FOXP2: variants seen among roughly 807,000 people sequenced by gnomAD.
FOXP2 encodes the protein forkhead box protein P2.
A neutral mutation model predicts 115.8 loss-of-function variants in FOXP2; 12 were observed. The ratio of observed to expected loss-of-function variants is 0.10; its 90% CI spans 0.07 to 0.17. FOXP2 has a LOEUF of 0.17. FOXP2 is among the 10% of genes least tolerant of loss of function. The pLI is 1.00. For missense variants in FOXP2, 629 were observed against 843.5 expected, an observed-to-expected ratio of 0.75 and a Z score of 3.15; for synonymous variants, 328 against 297.7, an observed-to-expected ratio of 1.10 and a Z score of -1.05.
Position 114,266,594 on chromosome 7 carries a change from G to A in FOXP2, c.-101-21425G>A, listed in dbSNP as rs575823786. Among the ~76,000 whole-genome samples, 428 of 152,180 alleles carry A rather than the reference G, an allele frequency of 2.8e-3. 2 individuals are homozygous for A. Among genetic ancestry groups the A allele is most frequent in the African/African-American group, 9.9e-3 (411 of 41,530 alleles). Reference sequence around the variant, plus strand: ...CACTCAGTGTCTAAGAACAGCATCGGGATATGAGGAATCCATCCTTATGCC... The same window carrying A: ...CACTCAGTGTCTAAGAACAGCATCGAGATATGAGGAATCCATCCTTATGCC... On this transcript the variant is annotated intron_variant, in intron 1 of 17. Coordinates refer to the FOXP2 transcript ENST00000634411.
At chr7:114,570,810 T>C (rs373272095) in intron 3 of FOXP2, 3 of 1,611,400 alleles carry the variant, frequency 1.9e-6, no homozygotes, top group African/African-American at 2.7e-5. Context: ...AACCTAGGAA[T>C]TGCTTCCAGA....
chr7:114,464,998 T>A (rs1795741691), intron 2 of FOXP2, among the ~76,000 whole-genome samples: 1 of 152,224 alleles, frequency 6.6e-6, no homozygotes, highest in African/African-American at 2.4e-5. Flanking sequence ...ATTTAAAGAA[T>A]CACTCCCTTT....
chr7:114,126,808 C>T (rs1236402507), intron 1 of FOXP2, among the ~76,000 whole-genome samples: 2 of 152,154 alleles, frequency 1.3e-5, no homozygotes, highest in Non-Finnish European at 2.9e-5. Flanking sequence ...AAATAACCCT[C>T]GGGTTTAGAC....
At chr7:114,195,557 C>G (rs1793881222) in intron 1 of FOXP2, among the ~76,000 whole-genome samples, 2 of 152,084 alleles carry the variant, frequency 1.3e-5, no homozygotes. Flanking sequence ...CATTCATCCA[C>G]TAATTTTATT....
intron 16 of FOXP2, among the ~76,000 whole-genome samples, chr7:114,679,178 TG>T (rs1807941838): frequency 6.6e-6 from 1 of 151,962 alleles, no homozygotes; most frequent in Non-Finnish European, 1.5e-5. Context: ...TTAGCCAGGC[TG>T]GTCTCGAATT....
intron 16 of FOXP2, chr7:114,669,840 T>C (rs1420663293): frequency 6.6e-6 from 1 of 152,112 alleles, no homozygotes; most frequent in Non-Finnish European, 1.5e-5. Context: ...CAGTTGTTTC[T>C]TTTTGTATTA....
chr7:114,182,550 T>G (rs1360690144), intron 1 of FOXP2, among the ~76,000 whole-genome samples: 1 of 152,014 alleles, frequency 6.6e-6, no homozygotes, highest in Non-Finnish European at 1.5e-5. Context: ...TGGAAGGACA[T>G]ATTCTTATTA....
rs1256659385 is a variant in FOXP2 at position 114,658,189 on chromosome 7, A to G, written c.1390A>G (p.Ile464Val). The G allele has an allele frequency of 6.2e-7, 1 of 1,613,666 alleles. No homozygotes were observed. The highest frequency in any genetic ancestry group is 1.3e-5 in the African/African-American group (1 of 74,850). ...CCCGATTACCCAGGGACCCTCAGTA[A>G]TCACCCCAGCCAGTGTGCCCAATGT... ...VTPITQGPSV[I>V]TPASVPNVGA... is the part of the protein sequence containing the mutation. The change falls in exon 11 of 17, where the codon ATC (isoleucine) becomes GTC (valine). Residue 464 changes from isoleucine to valine, a missense_variant. Coordinates refer to ENST00000350908, the MANE Select transcript of FOXP2 (RefSeq NM_014491.4).
intron 3 of FOXP2, among the ~76,000 whole-genome samples, chr7:114,608,729 A>G (rs1266667787): frequency 6.6e-6 from 1 of 152,212 alleles, no homozygotes; most frequent in African/African-American, 2.4e-5. Context: ...AAAAATGTGG[A>G]AGAATTTGTG....
At chr7:114,669,464 T>A (rs1034764869) in intron 16 of FOXP2, 1 of 152,064 alleles carries the variant, frequency 6.6e-6, no homozygotes, top group Non-Finnish European at 1.5e-5. Context: ...AACGATACTT[T>A]AAGTGTCCGA....
intron 1 of FOXP2, among the ~76,000 whole-genome samples, chr7:114,210,433 AC>A (rs1400319947): frequency 6.6e-6 from 1 of 151,994 alleles, no homozygotes; most frequent in Admixed American, 6.6e-5. Context: ...TTTGCTCCAG[AC>A]CCCAGTTGCC....
At chr7:114,307,112 C>A (rs1333011653) in intron 2 of FOXP2, among the ~76,000 whole-genome samples, 1 of 152,084 alleles carries the variant, frequency 6.6e-6, no homozygotes. Context: ...ATTCTGCCTA[C>A]CAAATATGCT....
At chr7:114,504,956 A>G (rs967600547) in intron 2 of FOXP2, among the ~76,000 whole-genome samples, 1 of 151,582 alleles carries the variant, frequency 6.6e-6, no homozygotes, top group Non-Finnish European at 1.5e-5. Context: ...CTCCAGACAC[A>G]ATTAGTTTGA....
intron 1 of FOXP2, among the ~76,000 whole-genome samples, chr7:114,191,982 C>A (rs1288329402): frequency 6.6e-6 from 1 of 152,094 alleles, no homozygotes; most frequent in Non-Finnish European, 1.5e-5. Context: ...TTTGCCTTTT[C>A]TTGAGTGTCA....
intron 2 of FOXP2, among the ~76,000 whole-genome samples, chr7:114,511,596 A>T (rs982201530): frequency 6.6e-6 from 1 of 152,152 alleles, no homozygotes; most frequent in Non-Finnish European, 1.5e-5. Context: ...GGAGTAGAGG[A>T]TAAGTTAAAT....
intron 3 of FOXP2, among the ~76,000 whole-genome samples, chr7:114,567,622 T>C (rs1801090281): frequency 1.3e-5 from 2 of 152,114 alleles, no homozygotes; most frequent in Admixed American, 1.3e-4. Context: ...ATGCAAACAC[T>C]TAAAATATCC....
intron 1 of FOXP2, among the ~76,000 whole-genome samples, chr7:114,232,663 A>G (rs1001348324): frequency 1.2e-4 from 18 of 152,074 alleles, no homozygotes; most frequent in Admixed American, 1.2e-3. Context: ...AAAATACAAA[A>G]TTATCCAGGC....
chr7:114,451,669 C>G (rs1795078391), intron 2 of FOXP2, among the ~76,000 whole-genome samples: 1 of 152,010 alleles, frequency 6.6e-6, no homozygotes, highest in African/African-American at 2.4e-5. Context: ...GAAAGTACAT[C>G]ATTTACCTAG....
chr7:114,167,761 C>G (rs944018866), intron 1 of FOXP2, among the ~76,000 whole-genome samples: 3 of 151,850 alleles, frequency 2.0e-5, no homozygotes, highest in African/African-American at 4.8e-5. Context: ...ATGGTGAAAC[C>G]CTGTCTCTAC....
Sources: allele counts gnomAD v4.1 joint callset (sites outside exome capture counted in the v4.1 genomes callset), GRCh38; gene constraint gnomAD v4.1.1; transcripts MANE v1.5; gene names NCBI Gene and HGNC (gene_info 2026-07-23, HGNC 2026-07-21).